The following NOVA2 variants were observed in gnomAD, a reference collection of about 807,000 sequenced individuals.
NOVA2 encodes the protein NOVA alternative splicing regulator 2.
In NOVA2, 9 loss-of-function variants were observed where a neutral mutation model predicts 22.5. The ratio of observed to expected loss-of-function variants is 0.40; its 90% confidence interval spans 0.24 to 0.70. The LOEUF is 0.70. NOVA2 is among the 30% of genes least tolerant of loss of function. The pLI, the probability that NOVA2 is intolerant of heterozygous loss-of-function variation, is 0.38. For synonymous variants in NOVA2, 318 were observed against 335.2 expected (o/e 0.95, Z 0.56); for missense variants, 383 against 682.8 (o/e 0.56, Z 4.89).
At chr19:45,968,916 T>C (rs1968200292) in intron 1 of NOVA2, among the ~76,000 whole-genome samples, 1 of 152,196 alleles carries the variant, frequency 6.6e-6, no homozygotes, top group Admixed American at 6.5e-5. Context: ...CCCAGCACTT[T>C]AGGAGGCCTA....
chr19:45,945,316 A>G (rs766996677), intron 3 of NOVA2, among the ~76,000 whole-genome samples: 11 of 152,030 alleles, frequency 7.2e-5, no homozygotes, highest in African/African-American at 2.7e-4. Context: ...AAAAGAAAGA[A>G]AGAAAAAAAA....
chr19:45,957,305 G>A (rs1483293855), intron 2 of NOVA2, among the ~76,000 whole-genome samples: 2 of 152,082 alleles, frequency 1.3e-5, no homozygotes, highest in Non-Finnish European at 2.9e-5. Flanking sequence ...TTGGGAGGCC[G>A]AGGCGGGTGG....
At chr19:45,964,793 T>C (rs1340282877) in intron 1 of NOVA2, among the ~76,000 whole-genome samples, 1 of 152,110 alleles carries the variant, frequency 6.6e-6, no homozygotes, top group Non-Finnish European at 1.5e-5. Flanking sequence ...ACTCCTGAGC[T>C]CAAGGGATCC....
chr19:45,950,372 G>A (rs1967906398), intron 3 of NOVA2, among the ~76,000 whole-genome samples: 1 of 151,908 alleles, frequency 6.6e-6, no homozygotes, highest in African/African-American at 2.4e-5. Context: ...TGTTGGCCAC[G>A]CTGGTCTCGA....
intron 1 of NOVA2, chr19:45,967,647 G>A (rs1968183698): frequency 6.6e-6 from 1 of 152,062 alleles, no homozygotes; most frequent in Non-Finnish European, 1.5e-5. Flanking sequence ...TGCTCCTTTT[G>A]TATCCACCCC....
chr19:45,967,240 A>G lies in NOVA2; in HGVS notation c.85+6027T>C, dbSNP rs976475543. Among the ~76,000 whole-genome samples the G allele has an allele frequency of 2.6e-5, 4 of 152,084 alleles. No individual in the cohort carries two copies. The East Asian group carries it at 5.8e-4, about 22-fold the overall frequency. On this transcript the variant is annotated intron_variant, in intron 1 of 3. Coordinates refer to ENST00000263257, the MANE Select transcript of NOVA2 (RefSeq NM_002516.4). Reference sequence around the variant, plus strand: ...TATGCACATCTTTTCTGTTTGGGGAAGTTTCCCACCATGTGAGTCCTACCT... The same window carrying G: ...TATGCACATCTTTTCTGTTTGGGGAGGTTTCCCACCATGTGAGTCCTACCT...
rs1254095415 is a variant in NOVA2 at position 45,940,211 on chromosome 19, C to T, written c.1131G>A (p.Gly377=). 4 of 1,196,486 alleles carry T rather than the reference C, an allele frequency of 3.3e-6. No homozygotes were observed. The highest frequency in any genetic ancestry group is 4.1e-6 in the Non-Finnish European group (4 of 968,058). The allele number at this position is 1,196,486 out of a possible 1,614,324, so 74.1% of individuals were successfully genotyped here. Reference sequence around the variant, plus strand: ...CTGCAGCGGCCACCAGCGGGCCGCCCCCTCCGCCCGCCCCGCCGCCCGCCC... The same window carrying T: ...CTGCAGCGGCCACCAGCGGGCCGCCTCCTCCGCCCGCCCCGCCGCCCGCCC... ...GAGAGGGAGG[G]GGPLVAAAAA... is the part of the protein sequence containing the mutation. The change falls in exon 4 of 4, where the codon GGG becomes GGA. Residue 377 remains glycine, a synonymous_variant. Coordinates refer to ENST00000263257, the MANE Select transcript of NOVA2 (RefSeq NM_002516.4).
chr19:45,958,035 C>T (rs992392477), intron 2 of NOVA2, among the ~76,000 whole-genome samples: 1 of 150,500 alleles, frequency 6.6e-6, no homozygotes, highest in African/African-American at 2.5e-5. Flanking sequence ...TCGCTTGGAC[C>T]CAGGAGGCAG....
intron 2 of NOVA2, 84 bp from the exon 3 acceptor site, chr19:45,954,030 G>T: frequency 6.9e-7 from 1 of 1,454,180 alleles, no homozygotes; most frequent in South Asian, 1.2e-5. Context: ...TAATGGAAGA[G>T]GCAAGCTGAG....
At chr19:45,964,977 G>A (rs1461982683) in intron 1 of NOVA2, among the ~76,000 whole-genome samples, 1 of 152,078 alleles carries the variant, frequency 6.6e-6, no homozygotes, top group Admixed American at 6.5e-5. Context: ...GAATTAAGGA[G>A]TTTCCTGACA....
At chr19:45,965,124 C>T (rs917802171) in intron 1 of NOVA2, among the ~76,000 whole-genome samples, 1 of 152,186 alleles carries the variant, frequency 6.6e-6, no homozygotes, top group Non-Finnish European at 1.5e-5. Context: ...GATATGTCCT[C>T]TTCCCCACCC....
At position 45,940,965 on chromosome 19, in the gene NOVA2, G is replaced by C; in HGVS notation, c.397-20C>G. ...CTTGGCCTGCGTGGGGAGCAAAAGG[G>C]AGGGTCTTTAATTTTATTTTTTTAA... On this transcript the variant is annotated intron_variant, in intron 3 of 3. Coordinates refer to ENST00000263257, the MANE Select transcript of NOVA2 (RefSeq NM_002516.4). 6.3e-7 allele frequency: 1 copy of C among 1,579,184 alleles called. No homozygotes were observed. Among genetic ancestry groups the C allele is most frequent in the Non-Finnish European group, 8.5e-7 (1 of 1,173,036 alleles).
At chr19:45,941,679 T>A (rs1967760428) in intron 3 of NOVA2, among the ~76,000 whole-genome samples, 1 of 152,176 alleles carries the variant, frequency 6.6e-6, no homozygotes, top group African/African-American at 2.4e-5. Context: ...GGAGGATAAC[T>A]TGAGCCCAGG....
intron 1 of NOVA2, among the ~76,000 whole-genome samples, chr19:45,965,875 G>T: frequency 6.6e-6 from 1 of 152,238 alleles, no homozygotes; most frequent in Admixed American, 6.5e-5. Context: ...TTAATGAAAT[G>T]AGGAAATGTA....
intron 1 of NOVA2, chr19:45,967,246 C>T (rs1011828458): frequency 6.6e-6 from 1 of 152,106 alleles, no homozygotes; most frequent in African/African-American, 2.4e-5. Context: ...GGGAAGTTTC[C>T]CACCATGTGA....
chr19:45,965,855 G>A (rs920810565), intron 1 of NOVA2, among the ~76,000 whole-genome samples: 5 of 152,326 alleles, frequency 3.3e-5, no homozygotes, highest in Non-Finnish European at 7.3e-5. Flanking sequence ...ACTTCATGGG[G>A]TTACTGTGAT....
chr19:45,947,773 G>A (rs373540275), intron 3 of NOVA2, among the ~76,000 whole-genome samples: 59 of 151,968 alleles, frequency 3.9e-4, no homozygotes, highest in African/African-American at 1.4e-3. Flanking sequence ...CACCTGGCCA[G>A]CATCCTAGTT....
intron 3 of NOVA2, among the ~76,000 whole-genome samples, chr19:45,942,583 C>T (rs923906316): frequency 6.6e-6 from 1 of 152,056 alleles, no homozygotes; most frequent in Admixed American, 6.6e-5. Context: ...AGAAGGCAGA[C>T]GTAAGTGGAT....
At chr19:45,942,073 A>T (rs760616222) in intron 3 of NOVA2, among the ~76,000 whole-genome samples, 1 of 152,148 alleles carries the variant, frequency 6.6e-6, no homozygotes, top group Non-Finnish European at 1.5e-5. Context: ...CCAGTTAGTG[A>T]CGGAGCTGAA....
Sources: allele counts gnomAD v4.1 joint callset (sites outside exome capture counted in the v4.1 genomes callset), GRCh38; gene constraint gnomAD v4.1.1; transcripts MANE v1.5; gene names NCBI Gene and HGNC (gene_info 2026-07-23, HGNC 2026-07-21).